CDH18: variants seen among roughly 807,000 people sequenced by gnomAD.
CDH18 encodes the protein cadherin-18.
Under a neutral mutation model 67.9 loss-of-function variants are expected in CDH18, and 31 were observed. That is an observed-to-expected ratio of 0.46 (90% CI 0.34 to 0.62). The LOEUF is 0.62. Among genes scored for constraint, CDH18 ranks in the 20% least tolerant of loss-of-function variants. CDH18 has a pLI of 0.01. For missense variants in CDH18, 890 were observed against 975.5 expected (o/e 0.91, Z 1.17); for synonymous variants, 362 against 347.2 (o/e 1.04, Z -0.48).
At chr5:19,489,622 T>G (rs1403804952) in intron 11 of CDH18, among the ~76,000 whole-genome samples, 1 of 152,214 alleles carries the variant, frequency 6.6e-6, no homozygotes, top group Admixed American at 6.5e-5. Context: ...TGAGCTGTTT[T>G]TCCACTCTCG....
intron 2 of CDH18, among the ~76,000 whole-genome samples, chr5:20,178,166 T>G (rs1350007332): frequency 6.6e-6 from 1 of 152,038 alleles, no homozygotes. Flanking sequence ...ACATTGGACT[T>G]GAATTAAAAC....
At chr5:20,062,488 G>C (rs1265862767) in intron 2 of CDH18, among the ~76,000 whole-genome samples, 4 of 152,084 alleles carry the variant, frequency 2.6e-5, no homozygotes, top group Non-Finnish European at 5.9e-5. Flanking sequence ...TGCTGCCTTA[G>C]AAAACACTCA....
At chr5:19,820,307 C>A (rs560741529) in intron 3 of CDH18, among the ~76,000 whole-genome samples, 29 of 152,232 alleles carry the variant, frequency 1.9e-4, no homozygotes, top group Non-Finnish European at 3.7e-4. Context: ...GAAGGTTTGG[C>A]ACAAAACTAG....
At chr5:19,688,250 G>T (rs1051562991) in intron 5 of CDH18, among the ~76,000 whole-genome samples, 1 of 152,146 alleles carries the variant, frequency 6.6e-6, no homozygotes, top group African/African-American at 2.4e-5. Flanking sequence ...GGCTCACTTG[G>T]ACTGGCTAAT....
At chr5:20,326,539 T>C (rs1339588970) in intron 1 of CDH18, among the ~76,000 whole-genome samples, 1 of 136,022 alleles carries the variant, frequency 7.4e-6, no homozygotes, top group Non-Finnish European at 1.5e-5. Flanking sequence ...CATATTTACT[T>C]TTTTTTTTTT....
intron 1 of CDH18, among the ~76,000 whole-genome samples, chr5:20,554,328 C>G (rs1757790683): frequency 6.6e-6 from 1 of 152,136 alleles, no homozygotes; most frequent in African/African-American, 2.4e-5. Context: ...TCAAGTCTTT[C>G]ACATACTAAA....
At chr5:19,752,675 C>T (rs567932263) in intron 3 of CDH18, among the ~76,000 whole-genome samples, 1 of 152,302 alleles carries the variant, frequency 6.6e-6, no homozygotes, top group Admixed American at 6.5e-5. Context: ...CATACTAACA[C>T]AGCTGATGCT....
At chr5:20,565,017 G>A (rs1758419551) in intron 1 of CDH18, among the ~76,000 whole-genome samples, 1 of 152,180 alleles carries the variant, frequency 6.6e-6, no homozygotes, top group Non-Finnish European at 1.5e-5. Context: ...AAGCTAGTGA[G>A]TACATTTTAA....
intron 5 of CDH18, among the ~76,000 whole-genome samples, chr5:19,711,199 A>G (rs1163713840): frequency 6.6e-6 from 1 of 152,112 alleles, no homozygotes; most frequent in Non-Finnish European, 1.5e-5. Context: ...ATAATTCCTG[A>G]TTAAAACCTC....
Position 19,676,111 on chromosome 5 carries a change from G to T in CDH18, c.643+45236C>A, listed in dbSNP as rs139216000. On this transcript the variant is annotated intron_variant, in intron 5 of 12. Transcript: ENST00000382275. Reference sequence around the variant, plus strand: ...TGAGGAAAGAATCTCAGTGCTTGAAGACTGGTCTCTGAAATAACACAGTCA... The same window carrying T: ...TGAGGAAAGAATCTCAGTGCTTGAATACTGGTCTCTGAAATAACACAGTCA... 1.0e-2 allele frequency among the ~76,000 whole-genome samples: 1,520 copies of T among 152,028 alleles called. 23 individuals are homozygous for T. Among genetic ancestry groups the T allele is most frequent in the African/African-American group, 0.035 (1,464 of 41,476 alleles).
chr5:20,523,162 A>T (rs1265482394), intron 1 of CDH18, among the ~76,000 whole-genome samples: 1 of 152,180 alleles, frequency 6.6e-6, no homozygotes, highest in Admixed American at 6.5e-5. Flanking sequence ...TCACTATCCA[A>T]GTGGTATGTT....
At chr5:20,064,006 A>G (rs1054006818) in intron 2 of CDH18, among the ~76,000 whole-genome samples, 3 of 152,192 alleles carry the variant, frequency 2.0e-5, no homozygotes, top group Non-Finnish European at 4.4e-5. Flanking sequence ...TTAAGAATGC[A>G]TATGATTTAT....
At chr5:19,594,059 C>T (rs965716498) in intron 6 of CDH18, among the ~76,000 whole-genome samples, 10 of 151,754 alleles carry the variant, frequency 6.6e-5, no homozygotes, top group Non-Finnish European at 1.0e-4. Context: ...CTTGTTAATC[C>T]AGTTTGAATT....
At chr5:19,504,722 A>C (rs184731860) in intron 10 of CDH18, among the ~76,000 whole-genome samples, 61 of 152,240 alleles carry the variant, frequency 4.0e-4, no homozygotes, top group African/African-American at 1.4e-3. Context: ...TTTATAAAAC[A>C]AATGTTCTCT....
chr5:19,739,996 A>G (rs1482144336), intron 4 of CDH18, among the ~76,000 whole-genome samples: 1 of 152,204 alleles, frequency 6.6e-6, no homozygotes, highest in Non-Finnish European at 1.5e-5. Flanking sequence ...AAAAAAAAAG[A>G]CATGAAGAAG....
intron 1 of CDH18, among the ~76,000 whole-genome samples, chr5:20,308,262 G>T (rs1360827575): frequency 3.3e-5 from 5 of 151,970 alleles, no homozygotes; most frequent in African/African-American, 1.2e-4. Flanking sequence ...TAGCCAAAAG[G>T]CCGAGGGTGG....
Position 19,612,510 on chromosome 5 carries a change from A to G in CDH18, c.735T>C (p.Val245=), listed in dbSNP as rs756606877. The G allele has an allele frequency of 1.2e-6, 2 of 1,614,064 alleles. No individual in the cohort carries two copies. Among genetic ancestry groups the G allele is most frequent in the Non-Finnish European group, 1.7e-6 (2 of 1,180,000 alleles). Reference sequence around the variant, plus strand: ...CTGTTGTAGATCCTGAAAGCCCTCCAACTTGCCCAGCCATGTCTTTGGCTT... The same window carrying G: ...CTGTTGTAGATCCTGAAAGCCCTCCGACTTGCCCAGCCATGTCTTTGGCTT... The part of the protein sequence containing the change: ...VIQAKDMAGQ[V]GGLSGSTTVN... Residue 245 remains valine, a synonymous_variant, in exon 6 of 13, where the codon GTT becomes GTC. Transcript: ENST00000382275.
intron 2 of CDH18, among the ~76,000 whole-genome samples, chr5:20,099,820 G>A (rs59813534): frequency 9.1e-4 from 138 of 152,154 alleles, no homozygotes; most frequent in African/African-American, 3.2e-3. Flanking sequence ...GTCTCACTCT[G>A]TCACCCAGGC....
chr5:19,861,290 G>GT (rs5866403), intron 2 of CDH18, among the ~76,000 whole-genome samples: 122,912 of 150,750 alleles, frequency 0.82, 51,068 homozygotes, highest in Non-Finnish European at 0.91. Context: ...GTACAGATGG[G>GT]TTTTTTTTTA....
Sources: gnomAD v4.1 joint callset for allele counts (sites outside exome capture counted in the v4.1 genomes callset) on GRCh38, gnomAD v4.1.1 for gene constraint, MANE v1.5 for transcripts, NCBI Gene and HGNC (gene_info 2026-07-23, HGNC 2026-07-21) for gene names.